Variants in YIPF3 observed in about 807,000 individuals in gnomAD.
YIPF3 encodes Yip1 domain family member 3.
Under a neutral mutation model 40.3 loss-of-function variants are expected in YIPF3, and 18 were observed. The ratio of observed to expected loss-of-function variants is 0.45; its 90% CI spans 0.31 to 0.66. The LOEUF (loss-of-function observed/expected upper bound fraction) is 0.66. Among genes scored for constraint, YIPF3 ranks in the 30% least tolerant of loss-of-function variants. The probability of loss-of-function intolerance (pLI) is 0.07; values close to 1 mark genes in which losing one functional copy is unlikely to be tolerated. For missense variants in YIPF3, 406 were observed against 452.2 expected (o/e 0.90, Z 0.93); for synonymous variants, 190 against 179.6 (o/e 1.06, Z -0.46).
rs1561852564 is a variant in YIPF3, at chr6:43,512,785, C to T, written c.756G>A (p.Val252=). 3 of 1,613,870 alleles carry T rather than the reference C, an allele frequency of 1.9e-6. No homozygotes were observed. Among genetic ancestry groups the T allele is most frequent in the East Asian group, 2.2e-5 (1 of 44,870 alleles). ...HALFYLFWLL[V]GGLSTLRMVA... ...CCATGCGCAGTGTGGACAGTCCACC[C>T]ACCAACAGCCAGAAGAGGTAGAAGA... Residue 252 remains valine (V), a synonymous_variant, in exon 7 of 9, where the codon GTG becomes GTA. Transcript: ENST00000372422.
rs1001734000 is a variant in YIPF3, at chr6:43,515,697, C to T, written c.293G>A (p.Trp98Ter). The T allele has an allele frequency of 6.2e-7, 1 of 1,614,008 alleles. No individual in the cohort carries two copies. The highest frequency in any genetic ancestry group is 8.5e-7 in the Non-Finnish European group (1 of 1,180,048). The change falls in exon 3 of 9, where the codon TGG becomes TAG. Residue 98 changes from tryptophan (W) to a stop codon, truncating the protein, a stop_gained. Transcript: ENST00000372422. LOFTEE classifies it high-confidence loss of function. ...QLSRQVADQM[W>*]QAGKRQASRA... ...GGAGGCTTGTCTTTTCCCAGCCTGC[C>T]ACATCTGAAGTAAGGAAGATGGGCA... is the stretch of plus-strand genomic sequence containing the variant.
At position 43,511,880 on chromosome 6, in the gene YIPF3, A is replaced by C. The variant is rs892741291; in HGVS notation, c.*287T>G. The stretch of plus-strand genomic sequence containing the variant: ...AATTACCAAGTCTATATTTAGCAAG[A>C]CAATGTGGGAGAGATAAAGAGGAAG... On this transcript the variant is annotated 3_prime_UTR_variant, in exon 9 of 9. Coordinates refer to ENST00000372422, the MANE Select transcript of YIPF3 (RefSeq NM_015388.4). 1 of 436,292 alleles carries C rather than the reference A, an allele frequency of 2.3e-6. No individual in the cohort carries two copies. The highest frequency in any genetic ancestry group is 4.1e-6 in the Non-Finnish European group (1 of 244,384). 27.0% of individuals were successfully genotyped at this position (436,292 alleles called of 1,614,324 possible).
In YIPF3 at chr6:43,512,032, A is replaced by C. The variant is rs1792678478; in HGVS notation, c.*135T>G. 9 of 1,372,152 alleles carry C rather than the reference A, an allele frequency of 6.6e-6. No homozygotes were observed. The South Asian group carries it at 1.2e-4, about 19-fold the overall frequency. 85.0% of individuals were successfully genotyped at this position (1,372,152 alleles called of 1,614,324 possible). ...TCAGAAGTGCCGACAGGCATCAAGG[A>C]GGTACTTACGCAGCTACAGCTCAGT... On this transcript the variant is annotated 3_prime_UTR_variant, in exon 9 of 9. Coordinates refer to ENST00000372422, the MANE Select transcript of YIPF3 (RefSeq NM_015388.4).
intron 3 of YIPF3, among the ~76,000 whole-genome samples, chr6:43,514,701 C>T: frequency 6.6e-6 from 1 of 152,196 alleles, no homozygotes. Flanking sequence ...AGTTTAGCGT[C>T]TGGCACAGAG....
Position 43,512,439 on chromosome 6 carries a change from C to T in YIPF3, c.904+1G>A. On this transcript the variant is annotated splice_donor_variant, in intron 8 of 8. Coordinates refer to ENST00000372422, the MANE Select transcript of YIPF3 (RefSeq NM_015388.4). LOFTEE classifies it high-confidence loss of function. ...CCCACCCAGACCTTCCTGCCACTTA[C>T]CCTCTACCACTTTGTGGTAGGCAAA... is the stretch of plus-strand genomic sequence containing the variant. 6.2e-7 allele frequency: 1 copy of T among 1,614,192 alleles called. No homozygotes were observed. The highest frequency in any genetic ancestry group is 8.5e-7 in the Non-Finnish European group (1 of 1,180,032).
At chr6:43,514,526 T>C (rs1190962559) in intron 3 of YIPF3, among the ~76,000 whole-genome samples, 1 of 152,192 alleles carries the variant, frequency 6.6e-6, no homozygotes, top group Non-Finnish European at 1.5e-5. Flanking sequence ...ACCTGGGATT[T>C]TAGCTAGGTT....
Position 43,516,613 on chromosome 6 carries a change from G to T in YIPF3, c.81+114C>A, listed in dbSNP as rs527978489. The T allele has an allele frequency of 3.9e-6, 5 of 1,273,346 alleles. No individual in the cohort carries two copies. In the African/African-American group the frequency reaches 4.4e-5, roughly 11 times the overall value. The allele number at this position is 1,273,346 out of a possible 1,614,324, so 78.9% of individuals were successfully genotyped here. A position where few individuals can be genotyped will look rare whatever the true frequency, so the allele number is the denominator to read the frequency against. ...ACTTTAGTGTGCACGAAGACCCAAA[G>T]AAGAGAGTTTTGTAAATGGAGCGGA... is the stretch of plus-strand genomic sequence containing the variant. On this transcript the variant is annotated intron_variant, in intron 1 of 8. Coordinates refer to ENST00000372422, the MANE Select transcript of YIPF3 (RefSeq NM_015388.4).
At chr6:43,513,270 G>A in intron 5 of YIPF3, 70 bp from the exon 6 acceptor site, 2 of 1,612,812 alleles carry the variant, frequency 1.2e-6, no homozygotes, top group South Asian at 1.1e-5. Flanking sequence ...CCTTCCGCAG[G>A]GGCTGTTCCT....
At position 43,512,372 on chromosome 6, in the gene YIPF3, A is replaced by C. The variant is rs113935845; in HGVS notation, c.905-57T>G. The stretch of plus-strand genomic sequence containing the variant: ...AGATGGGCCCAGCCCACCAGCCATC[A>C]TATCTAGCTTCTTGCTCTAGGCAGC... On this transcript the variant is annotated intron_variant, in intron 8 of 8. Coordinates refer to ENST00000372422, the MANE Select transcript of YIPF3 (RefSeq NM_015388.4). The C allele has an allele frequency of 1.1e-3, 1,795 of 1,614,008 alleles. 19 individuals are homozygous for C. The African/African-American group carries it at 0.019, about 17-fold the overall frequency.
At chr6:43,512,974 TCC>T in intron 6 of YIPF3, 93 bp downstream of exon 6, 1 of 1,593,178 alleles carries the variant, frequency 6.3e-7, no homozygotes, top group Non-Finnish European at 8.6e-7. Flanking sequence ...GGCCTACTCC[TCC>T]CATTCCAGGC....
At chr6:43,516,167 G>C in intron 1 of YIPF3, 72 bp from the exon 2 acceptor site, 2 of 1,587,492 alleles carry the variant, frequency 1.3e-6, no homozygotes, top group South Asian at 1.1e-5. Context: ...TCATCCCAGG[G>C]TTTAGGGCTT....
chr6:43,512,214 G>C lies in YIPF3; in HGVS notation c.1006C>G (p.Leu336Val). The C allele has an allele frequency of 6.2e-7, 1 of 1,614,220 alleles. No homozygotes were observed. Among genetic ancestry groups the C allele is most frequent in the Non-Finnish European group, 8.5e-7 (1 of 1,180,024 alleles). ...GCAACAGCTTTGGCTGTGGCGTTGA[G>C]GACGGTGGTGGGAAGCCGAGCAGCA... is the stretch of plus-strand genomic sequence containing the variant. ...LPAARLPTTV[L>V]NATAKAVAVT... The change falls in exon 9 of 9, where the codon CTC (leucine) becomes GTC (valine). Residue 336 changes from leucine to valine, a missense_variant. Coordinates refer to ENST00000372422, the MANE Select transcript of YIPF3 (RefSeq NM_015388.4).
At chr6:43,516,610 AAAG>A (rs1792842054) in intron 1 of YIPF3, 114 bp downstream of exon 1, 1 of 1,251,296 alleles carries the variant, frequency 8.0e-7, no homozygotes, top group South Asian at 1.3e-5. Flanking sequence ...ACGAAGACCC[AAAG>A]AAGAGAGTTT....
intron 8 of YIPF3, 58 bp from the exon 9 acceptor site, chr6:43,512,373 T>C (rs1792689108): frequency 6.2e-7 from 1 of 1,613,958 alleles, no homozygotes; most frequent in African/African-American, 1.3e-5. Context: ...CCAGCCATCA[T>C]ATCTAGCTTC....
Position 43,513,051 on chromosome 6 carries a change from C to G in YIPF3, c.666+18G>C. 1.2e-6 allele frequency: 2 copies of G among 1,613,632 alleles called. No homozygotes were observed. Among genetic ancestry groups the G allele is most frequent in the Middle Eastern group, 1.6e-4 (1 of 6,062 alleles). On this transcript the variant is annotated intron_variant, in intron 6 of 8. Coordinates refer to ENST00000372422, the MANE Select transcript of YIPF3 (RefSeq NM_015388.4). ...CTCTTTTTAACATCACTCTTGCCCA[C>G]CACACCTGGCTCCTTACCAGCAGTG...
At position 43,515,707 on chromosome 6, in the gene YIPF3, G is replaced by A. The variant is rs1321632512; in HGVS notation, c.289-6C>T. 6.2e-7 allele frequency: 1 copy of A among 1,614,086 alleles called. No individual in the cohort carries two copies. The highest frequency in any genetic ancestry group is 1.1e-5 in the South Asian group (1 of 91,080). ...CTTTTCCCAGCCTGCCACATCTGAA[G>A]TAAGGAAGATGGGCATAGGTATTGT... On this transcript the variant is annotated splice_region_variant and splice_polypyrimidine_tract_variant and intron_variant, in intron 2 of 8. Transcript: ENST00000372422.
chr6:43,512,064 T>G lies in YIPF3; in HGVS notation c.*103A>C. 1 of 1,545,624 alleles carries G rather than the reference T, an allele frequency of 6.5e-7. No individual in the cohort carries two copies. The highest frequency in any genetic ancestry group is 8.8e-7 in the Non-Finnish European group (1 of 1,139,996). On this transcript the variant is annotated 3_prime_UTR_variant, in exon 9 of 9. Coordinates refer to ENST00000372422, the MANE Select transcript of YIPF3 (RefSeq NM_015388.4). ...TACGCAGCTACAGCTCAGTGGCAGC[T>G]GCAAACCCCATCTACGAAACATGTC...
At chr6:43,514,463 G>A (rs998900833) in intron 3 of YIPF3, among the ~76,000 whole-genome samples, 4 of 152,166 alleles carry the variant, frequency 2.6e-5, no homozygotes, top group African/African-American at 7.2e-5. Context: ...ATGTGAAGTG[G>A]TATGAAAATT....
At chr6:43,514,584 G>A (rs1792736856) in intron 3 of YIPF3, among the ~76,000 whole-genome samples, 1 of 152,052 alleles carries the variant, frequency 6.6e-6, no homozygotes, top group South Asian at 2.1e-4. Context: ...AACCTGCTTT[G>A]GCTCACATAT....
Sources: gnomAD v4.1 joint callset for allele counts (sites outside exome capture counted in the v4.1 genomes callset) on GRCh38, gnomAD v4.1.1 for gene constraint, MANE v1.5 for transcripts, NCBI Gene and HGNC (gene_info 2026-07-23, HGNC 2026-07-21) for gene names.